Variants in ELAC2 observed in about 807,000 individuals in gnomAD.
ELAC2 encodes elaC ribonuclease Z 2.
Under a neutral mutation model 105.2 loss-of-function variants are expected in ELAC2, and 92 were observed. That is an observed-to-expected ratio of 0.87 (90% CI 0.74 to 1.04). The LOEUF (loss-of-function observed/expected upper bound fraction) is 1.04. ELAC2 is among the 50% of genes least tolerant of loss of function. ELAC2 has a pLI of 0.00. For missense variants in ELAC2, 1,099 were observed against 1,071.7 expected (o/e 1.03, Z -0.36); for synonymous variants, 468 against 409.1 (o/e 1.14, Z -1.74).
At chr17:12,996,294 T>G (rs979056149) in intron 17 of ELAC2, 1 of 648,582 alleles carries the variant, frequency 1.5e-6, no homozygotes, top group Non-Finnish European at 2.7e-6. Context: ...CCGTGTGAGA[T>G]TCAAGACTCA....
intron 17 of ELAC2, 144 bp downstream of exon 17, chr17:12,996,403 G>T: frequency 8.0e-7 from 1 of 1,248,284 alleles, no homozygotes; most frequent in Non-Finnish European, 1.1e-6. Flanking sequence ...GTTGAGTTTT[G>T]CAAAAAACCA....
chr17:12,991,992 A>AAAGT lies in ELAC2; in HGVS notation c.*822_*825dup, dbSNP rs1491404335. Among the ~76,000 whole-genome samples, 8 of 152,196 alleles carry AAAGT rather than the reference A, an allele frequency of 5.3e-5. No homozygotes were observed. The highest frequency in any genetic ancestry group is 2.6e-4 in the Admixed American group (4 of 15,276). On this transcript the variant is annotated 3_prime_UTR_variant, in exon 24 of 24. Transcript: ENST00000338034. ...GCCATTTCTCAAAACCTTCGAGGGC[A>AAAGT]AAGTGATCCTCACTCCTCTCAGTAT...
At chr17:13,014,688 G>A (rs1010704702) in intron 4 of ELAC2, among the ~76,000 whole-genome samples, 192 bp from the exon 5 acceptor site, 1 of 152,196 alleles carries the variant, frequency 6.6e-6, no homozygotes, top group Non-Finnish European at 1.5e-5. Context: ...AGGAAAAAGA[G>A]ATGGAGGCCT....
At position 12,992,789 on chromosome 17, in the gene ELAC2, G is replaced by C. The variant is rs1350049794; in HGVS notation, c.*29C>G. On this transcript the variant is annotated 3_prime_UTR_variant, in exon 24 of 24. Coordinates refer to ENST00000338034, the MANE Select transcript of ELAC2 (RefSeq NM_018127.7). ...GCGTGCGTGGGGCAGAAGACACACA[G>C]CCTTCTGAGTTCAGGGTCTCCCAGA... 1 of 1,611,334 alleles carries C rather than the reference G, an allele frequency of 6.2e-7. No homozygotes were observed. Among genetic ancestry groups the C allele is most frequent in the Non-Finnish European group, 8.5e-7 (1 of 1,178,082 alleles).
chr17:13,007,219 T>G (rs187404977), intron 8 of ELAC2, among the ~76,000 whole-genome samples: 39 of 152,216 alleles, frequency 2.6e-4, no homozygotes, highest in Non-Finnish European at 2.6e-4. Context: ...AAAAAAAAAT[T>G]TCACACAAAC....
chr17:13,015,349 A>C (rs2041658862), intron 4 of ELAC2, among the ~76,000 whole-genome samples: 1 of 152,228 alleles, frequency 6.6e-6, no homozygotes, highest in African/African-American at 2.4e-5. Context: ...TATATTCAAC[A>C]ACACACACAC....
intron 5 of ELAC2, 146 bp from the exon 6 acceptor site, chr17:13,013,421 T>C: frequency 1.2e-6 from 1 of 855,198 alleles, no homozygotes. Context: ...TCTAAGGAGA[T>C]TACCATTTTT....
intron 14 of ELAC2, 119 bp downstream of exon 14, chr17:13,002,155 T>C (rs1376055480): frequency 2.2e-5 from 23 of 1,057,114 alleles, no homozygotes; most frequent in Non-Finnish European, 2.8e-5. Context: ...CGGAGTTGAA[T>C]AGTTACAACA....
At chr17:13,015,875 T>A (rs1023828678) in intron 3 of ELAC2, 43 bp from the exon 4 acceptor site, 3 of 1,509,084 alleles carry the variant, frequency 2.0e-6, no homozygotes, top group African/African-American at 1.4e-5. Flanking sequence ...CAATTTGACC[T>A]GTCGTCACTA....
chr17:13,000,488 C>A (rs560136187), intron 14 of ELAC2: 20 of 605,214 alleles, frequency 3.3e-5, no homozygotes, highest in East Asian at 6.0e-5. Flanking sequence ...CAACGGGGAA[C>A]TACTGATGCT....
In ELAC2 at chr17:12,992,963, T is replaced by G; in HGVS notation, c.2336A>C (p.Glu779Ala). 1 of 1,602,354 alleles carries G rather than the reference T, an allele frequency of 6.2e-7. No homozygotes were observed. Among genetic ancestry groups the G allele is most frequent in the Non-Finnish European group, 8.5e-7 (1 of 1,172,304 alleles). Residue 779 changes from glutamate to alanine, a missense_variant, in exon 24 of 24, where the codon GAG (glutamate) becomes GCG (alanine). By Grantham distance (107) the Glu-to-Ala change is moderately radical. Transcript: ENST00000338034. The stretch of plus-strand genomic sequence containing the variant: ...CAGCTCCCGCTTCTCCCTGCGCTCC[T>G]CCATCTCCTCGATGTCGCCAGCAAA... ...ALFAGDIEEM[E>A]ERREKRELRQ...
chr17:13,002,730 G>A (rs2040885774), intron 12 of ELAC2, 151 bp from the exon 13 acceptor site: 3 of 1,256,530 alleles, frequency 2.4e-6, no homozygotes, highest in African/African-American at 1.5e-5. Context: ...GCCAAACATG[G>A]TCCCACTCCT....
intron 8 of ELAC2, 21 bp downstream of exon 8, chr17:13,010,592 C>A: frequency 2.5e-6 from 4 of 1,613,256 alleles, no homozygotes; most frequent in Non-Finnish European, 3.4e-6. Context: ...CATGTACAGC[C>A]CTCCGGAAAG....
At position 13,018,006 on chromosome 17, in the gene ELAC2, G is replaced by A. The variant is rs1231579246; in HGVS notation, c.-59C>T. On this transcript the variant is annotated 5_prime_UTR_variant, in exon 1 of 24. Coordinates refer to ENST00000338034, the MANE Select transcript of ELAC2 (RefSeq NM_018127.7). Reference sequence around the variant, plus strand: ...GGTCACCTACGCCCGCGTTTCCCGTGCACCACCTAGCCGCTCCGCATGGCG... The same window carrying A: ...GGTCACCTACGCCCGCGTTTCCCGTACACCACCTAGCCGCTCCGCATGGCG... The A allele has an allele frequency of 2.0e-6, 3 of 1,533,046 alleles. No individual in the cohort carries two copies. The highest frequency in any genetic ancestry group is 2.6e-6 in the Non-Finnish European group (3 of 1,146,374). The allele number at this position is 1,533,046 out of a possible 1,614,324, so 95.0% of individuals were successfully genotyped here.
At chr17:13,010,264 G>A (rs1370053751) in intron 8 of ELAC2, among the ~76,000 whole-genome samples, 1 of 152,044 alleles carries the variant, frequency 6.6e-6, no homozygotes, top group East Asian at 1.9e-4. Flanking sequence ...TCCGCCTCCT[G>A]TGTTCAAGCG....
chr17:13,017,909 T>A lies in ELAC2; in HGVS notation c.39A>T (p.Gly13=), dbSNP rs906248515. 1.7e-5 allele frequency: 26 copies of A among 1,541,200 alleles called. No homozygotes were observed. The highest frequency in any genetic ancestry group is 2.3e-5 in the Non-Finnish European group (26 of 1,146,916). The change falls in exon 1 of 24, where the codon GGA becomes GGT. Residue 13 remains glycine, a synonymous_variant. Transcript: ENST00000338034. ...TGGTGCGTCCCTGCGACATGGTGCG[T>A]CCGGCCGCGGACCGCAGCAGCGAGC... ...ALCSLLRSAA[G]RTMSQGRTIS...
At chr17:12,993,630 T>C in intron 23 of ELAC2, 57 bp downstream of exon 23, 42 of 1,612,152 alleles carry the variant, frequency 2.6e-5, no homozygotes, top group Non-Finnish European at 3.5e-5. Context: ...ACTCAGTGTG[T>C]AGAGTCCTGT....
chr17:12,994,612 T>C (rs551786671), intron 21 of ELAC2, 109 bp from the exon 22 acceptor site: 245 of 1,595,428 alleles, frequency 1.5e-4, no homozygotes, highest in Non-Finnish European at 1.9e-4. Context: ...TGGCCCTGGG[T>C]CTGCCTACTA....
chr17:12,993,146 C>CG lies in ELAC2; in HGVS notation c.2254-102dup, dbSNP rs2040279270. 1.2e-5 allele frequency: 15 copies of CG among 1,242,302 alleles called. No individual in the cohort carries two copies. In the South Asian group the frequency reaches 1.7e-4, roughly 14 times the overall value. The allele number at this position is 1,242,302 out of a possible 1,614,324, so 77.0% of individuals were successfully genotyped here. A position where few individuals can be genotyped will look rare whatever the true frequency, so the allele number is the denominator to read the frequency against. Reference sequence around the variant, plus strand: ...TCATGTGCTCACACAGCAGCGCCAACGCCCCTTCCTTGGCACAAGCCAACA... The same window carrying CG: ...TCATGTGCTCACACAGCAGCGCCAACGGCCCCTTCCTTGGCACAAGCCAACA... On this transcript the variant is annotated intron_variant, in intron 23 of 23. Transcript: ENST00000338034.
Sources: allele counts gnomAD v4.1 joint callset (sites outside exome capture counted in the v4.1 genomes callset), GRCh38; gene constraint gnomAD v4.1.1; transcripts MANE v1.5; gene names NCBI Gene and HGNC (gene_info 2026-07-23, HGNC 2026-07-21).